The following CERS6 variants were observed in gnomAD, a reference collection of about 807,000 sequenced individuals.
CERS6 encodes the protein ceramide synthase 6.
Under a neutral mutation model 56.8 loss-of-function variants are expected in CERS6, and 26 were observed. That is an observed-to-expected ratio of 0.46 (90% CI 0.34 to 0.63). CERS6 has a LOEUF of 0.63. Among genes scored for constraint, CERS6 ranks in the 30% least tolerant of loss-of-function variants. CERS6 has a pLI of 0.01. For missense variants in CERS6, 415 were observed against 467.5 expected (o/e 0.89, Z 1.04); for synonymous variants, 164 against 173.3 (o/e 0.95, Z 0.42).
chr2:168,532,506 A>G lies in CERS6; in HGVS notation c.171-15090A>G, dbSNP rs185472063. Among the ~76,000 whole-genome samples the G allele has an allele frequency of 4.7e-3, 715 of 152,130 alleles. 6 individuals are homozygous for G. The highest frequency in any genetic ancestry group is 0.017 in the African/African-American group (698 of 41,500). On this transcript the variant is annotated intron_variant, in intron 1 of 9. Transcript: ENST00000305747. ...TTTTCTATCTGTACAGGTACTAAAA[A>G]TGGCCTTTTATTTTTATTCCATTTG...
chr2:168,525,957 T>C (rs1466186086), intron 1 of CERS6, among the ~76,000 whole-genome samples: 1 of 152,206 alleles, frequency 6.6e-6, no homozygotes, highest in African/African-American at 2.4e-5. Flanking sequence ...TGGTTATTTC[T>C]CATAAATGCT....
At position 168,768,332 on chromosome 2, in the gene CERS6, C is replaced by T. The variant is rs930313459; in HGVS notation, c.1003-1178C>T. ...GCAACCTCCACTTCCTGGGCTCAAG[C>T]AATTCTCCTGCCTCAGCCTCCAGAG... On this transcript the variant is annotated intron_variant, in intron 9 of 9. Coordinates refer to ENST00000305747, the MANE Select transcript of CERS6 (RefSeq NM_203463.3). Among the ~76,000 whole-genome samples the T allele has an allele frequency of 5.3e-4, 81 of 151,682 alleles. 1 individual carries two copies. Among genetic ancestry groups the T allele is most frequent in the Non-Finnish European group, 1.9e-4 (13 of 67,938 alleles).
chr2:168,667,133 T>C (rs1685782174), intron 4 of CERS6, among the ~76,000 whole-genome samples: 1 of 152,244 alleles, frequency 6.6e-6, no homozygotes. Context: ...TCATTATAAA[T>C]TAAGCAAAGC....
intron 5 of CERS6, among the ~76,000 whole-genome samples, chr2:168,694,640 T>G (rs1488932557): frequency 6.6e-6 from 1 of 152,190 alleles, no homozygotes; most frequent in African/African-American, 2.4e-5. Context: ...GAATTTTTTT[T>G]CAGGTTGCTT....
chr2:168,671,056 G>A (rs1346098764), intron 4 of CERS6, among the ~76,000 whole-genome samples: 1 of 142,626 alleles, frequency 7.0e-6, no homozygotes, highest in Non-Finnish European at 1.5e-5. Flanking sequence ...TGCCTCCTGG[G>A]TTCAAGCGAT....
At chr2:168,623,692 CT>C (rs1486461111) in intron 3 of CERS6, among the ~76,000 whole-genome samples, 2 of 151,802 alleles carry the variant, frequency 1.3e-5, no homozygotes, top group African/African-American at 4.8e-5. Flanking sequence ...CTTTTAAGAA[CT>C]TTAGATGTCA....
chr2:168,609,000 A>G (rs1040231012), intron 3 of CERS6, among the ~76,000 whole-genome samples: 1 of 152,216 alleles, frequency 6.6e-6, no homozygotes, highest in Non-Finnish European at 1.5e-5. Flanking sequence ...GATAGTTTGA[A>G]TATTTTGGAT....
chr2:168,568,787 A>G (rs1336210992), intron 3 of CERS6, among the ~76,000 whole-genome samples: 2 of 152,234 alleles, frequency 1.3e-5, no homozygotes, highest in Non-Finnish European at 2.9e-5. Flanking sequence ...GTCATATGAC[A>G]TATGCTGCAT....
chr2:168,527,486 A>G (rs1695091016), intron 1 of CERS6, among the ~76,000 whole-genome samples: 1 of 152,192 alleles, frequency 6.6e-6, no homozygotes, highest in Admixed American at 6.5e-5. Context: ...TGCTGCTGTA[A>G]TAAAATACCT....
intron 1 of CERS6, among the ~76,000 whole-genome samples, chr2:168,466,287 C>T (rs933147323): frequency 6.6e-6 from 1 of 152,086 alleles, no homozygotes; most frequent in South Asian, 2.1e-4. Flanking sequence ...TGCATAGTTT[C>T]GGAGGAGTCT....
chr2:168,632,095 G>T (rs1339097898), intron 4 of CERS6, among the ~76,000 whole-genome samples: 4 of 151,408 alleles, frequency 2.6e-5, no homozygotes, highest in African/African-American at 7.3e-5. Flanking sequence ...GGTTATTTCA[G>T]TTCTTACTGG....
chr2:168,709,249 G>A (rs1687031217), intron 6 of CERS6, among the ~76,000 whole-genome samples: 1 of 152,130 alleles, frequency 6.6e-6, no homozygotes, highest in South Asian at 2.1e-4. Context: ...AAGCTACACA[G>A]AACAGACTAA....
In CERS6 at chr2:168,770,129, T is replaced by G. The variant is rs1472200822; in HGVS notation, c.*467T>G. On this transcript the variant is annotated 3_prime_UTR_variant, in exon 10 of 10. Transcript: ENST00000305747. ...CGTTCAGCTCTAAATAGGTTTGCTT[T>G]CTTTTAGTTACAGTGCCCATTTTGA... The G allele has an allele frequency of 1.2e-5, 2 of 161,594 alleles. No individual in the cohort carries two copies. Among genetic ancestry groups the G allele is most frequent in the African/African-American group, 4.8e-5 (2 of 41,496 alleles). 10.0% of individuals were successfully genotyped at this position (161,594 alleles called of 1,614,324 possible).
At chr2:168,506,894 A>G (rs142076431) in intron 1 of CERS6, among the ~76,000 whole-genome samples, 1 of 152,298 alleles carries the variant, frequency 6.6e-6, no homozygotes, top group African/African-American at 2.4e-5. Context: ...TTATAATAAT[A>G]TATATTTTCC....
chr2:168,750,751 A>G (rs1684241802), intron 8 of CERS6, among the ~76,000 whole-genome samples: 1 of 152,192 alleles, frequency 6.6e-6, no homozygotes, highest in Admixed American at 6.5e-5. Context: ...GATTACTTCC[A>G]TAGGACAAAT....
chr2:168,481,945 T>A (rs1227680199), intron 1 of CERS6, among the ~76,000 whole-genome samples: 2 of 152,230 alleles, frequency 1.3e-5, no homozygotes, highest in Non-Finnish European at 2.9e-5. Flanking sequence ...AGGTTGAATT[T>A]TTGAATAACT....
intron 9 of CERS6, among the ~76,000 whole-genome samples, chr2:168,766,017 G>A (rs1390281128): frequency 1.3e-5 from 2 of 151,940 alleles, no homozygotes; most frequent in East Asian, 3.9e-4. Flanking sequence ...TGTCAACCTT[G>A]GACCTCCTCT....
At chr2:168,724,971 C>T (rs1258390876) in intron 8 of CERS6, among the ~76,000 whole-genome samples, 4 of 152,270 alleles carry the variant, frequency 2.6e-5, no homozygotes, top group East Asian at 1.9e-4. Flanking sequence ...GTGGAGGCTC[C>T]GTCCCCACAG....
At chr2:168,755,013 T>C (rs565271403) in intron 8 of CERS6, among the ~76,000 whole-genome samples, 2 of 152,290 alleles carry the variant, frequency 1.3e-5, no homozygotes, top group African/African-American at 4.8e-5. Context: ...GCTCACGCGA[T>C]CCCACCTCAG....
Sources: allele counts gnomAD v4.1 joint callset (sites outside exome capture counted in the v4.1 genomes callset), GRCh38; gene constraint gnomAD v4.1.1; transcripts MANE v1.5; gene names NCBI Gene and HGNC (gene_info 2026-07-23, HGNC 2026-07-21).